MKRN2OS: variants seen among roughly 807,000 people sequenced by gnomAD.
The protein encoded by MKRN2OS is MKRN2 opposite strand.
A neutral mutation model predicts 18.2 loss-of-function variants in MKRN2OS; 17 were observed. The ratio of observed to expected loss-of-function variants is 0.93; its 90% CI spans 0.64 to 1.40. The LOEUF is 1.40. Among genes scored for constraint, MKRN2OS ranks in the 40% most tolerant of loss-of-function variants. MKRN2OS has a pLI of 0.00. For missense variants in MKRN2OS, 337 were observed against 283.0 expected (o/e 1.19, Z -1.37); for synonymous variants, 121 against 108.5 (o/e 1.12, Z -0.72).
At chr3:12,557,189 G>A in intron 1 of MKRN2OS, 1 of 1,534,868 alleles carries the variant, frequency 6.5e-7, no homozygotes, top group South Asian at 1.2e-5. Context: ...CAGTGCGCTG[G>A]AGCCAGGAGC....
upstream of MKRN2OS, among the ~76,000 whole-genome samples, chr3:12,548,631 C>G (rs950941007): frequency 6.6e-6 from 1 of 151,986 alleles, no homozygotes; most frequent in Non-Finnish European, 1.5e-5. Flanking sequence ...AACTCTGTCT[C>G]AAATAAATAC....
Position 12,542,021 on chromosome 3 carries a change from C to G in MKRN2OS, c.270G>C (p.Gly90=). The G allele has an allele frequency of 6.5e-7, 1 of 1,532,086 alleles. No homozygotes were observed. Among genetic ancestry groups the G allele is most frequent in the Non-Finnish European group, 8.7e-7 (1 of 1,144,152 alleles). The allele number at this position is 1,532,086 out of a possible 1,614,324, so 94.9% of individuals were successfully genotyped here. The part of the protein sequence containing the change: ...DLHVGITNTN[G]VVYNYSAHGV... ...CATGTGCACTGTAATTATACACAAC[C>G]CCTGCAAATCAAAACCAAAGTCATG... is the stretch of plus-strand genomic sequence containing the variant. Residue 90 remains glycine, a splice_region_variant and synonymous_variant, in exon 3 of 4, where the codon GGG becomes GGC. Coordinates refer to ENST00000564146, the MANE Select transcript of MKRN2OS (RefSeq NM_001195279.2).
chr3:12,540,512 C>G, intron 3 of MKRN2OS, 79 bp from the exon 4 acceptor site: 1 of 1,517,116 alleles, frequency 6.6e-7, no homozygotes, highest in Non-Finnish European at 8.8e-7. Context: ...CCTTTCCTAA[C>G]TGAAATCGGG....
At chr3:12,560,099 G>A (rs1319831909) in intron 1 of MKRN2OS, among the ~76,000 whole-genome samples, 2 of 152,144 alleles carry the variant, frequency 1.3e-5, no homozygotes, top group African/African-American at 2.4e-5. Context: ...CTAACCGGCA[G>A]GGCTGTTTAA....
intron 2 of MKRN2OS, among the ~76,000 whole-genome samples, chr3:12,542,772 G>A (rs181427434): frequency 4.7e-5 from 7 of 149,982 alleles, no homozygotes; most frequent in African/African-American, 7.3e-5. Flanking sequence ...TACTCCTGAC[G>A]TCCCTAGAAT....
upstream of MKRN2OS, among the ~76,000 whole-genome samples, chr3:12,548,157 A>G (rs1004137892): frequency 1.7e-4 from 25 of 151,096 alleles, no homozygotes; most frequent in Admixed American, 4.0e-4. Context: ...TAAAATTACA[A>G]TAATTAGCCG....
rs1647202846 is a variant in MKRN2OS, at chr3:12,540,072, A to G, written c.*121T>C. The stretch of plus-strand genomic sequence containing the variant: ...AGTGCTGGGATTACAGGTGTGAGCC[A>G]CCATGCCCGGCCCATACACGCTTTT... On this transcript the variant is annotated 3_prime_UTR_variant, in exon 4 of 4. Transcript: ENST00000564146. 1 of 1,396,770 alleles carries G rather than the reference A, an allele frequency of 7.2e-7. No individual in the cohort carries two copies. Among genetic ancestry groups the G allele is most frequent in the Non-Finnish European group, 9.6e-7 (1 of 1,039,574 alleles). 86.5% of individuals were successfully genotyped at this position (1,396,770 alleles called of 1,614,324 possible).
upstream of MKRN2OS, among the ~76,000 whole-genome samples, chr3:12,549,159 G>C (rs2057909831): frequency 6.6e-6 from 1 of 152,090 alleles, no homozygotes; most frequent in Non-Finnish European, 1.5e-5. Context: ...TGGCCAGGCT[G>C]GTCTTGAACT....
upstream of MKRN2OS, chr3:12,545,659 T>G: frequency 2.4e-6 from 1 of 415,628 alleles, no homozygotes; most frequent in Non-Finnish European, 4.2e-6. Context: ...AAGAGCTAGT[T>G]TCTATTTGTT....
intron 1 of MKRN2OS, among the ~76,000 whole-genome samples, chr3:12,554,690 T>G (rs2057953834): frequency 1.3e-5 from 2 of 152,084 alleles, no homozygotes; most frequent in Admixed American, 1.3e-4. Flanking sequence ...AGAGGCTCTA[T>G]GTACTGATAT....
At chr3:12,555,273 C>A (rs562680428) in intron 1 of MKRN2OS, among the ~76,000 whole-genome samples, 1 of 144,598 alleles carries the variant, frequency 6.9e-6, no homozygotes, top group African/African-American at 2.6e-5. Context: ...GAGCATGCCA[C>A]TGCACTCCAG....
chr3:12,540,412 G>T lies in MKRN2OS; in HGVS notation c.453C>A (p.Asn151Lys). ...LPHRYEDNHHNCYSYALTFIN... is the reference protein window; with the variant it reads ...LPHRYEDNHHKCYSYALTFIN... Reference sequence around the variant, plus strand: ...TGAACGTGAGTGCGTAAGAGTAGCAGTTATGGTGGTTGTCTTCATACCTTA... The same window carrying T: ...TGAACGTGAGTGCGTAAGAGTAGCATTTATGGTGGTTGTCTTCATACCTTA... The change falls in exon 4 of 4, where the codon AAC becomes AAA. Residue 151 changes from asparagine (N) to lysine (K), a missense_variant. By Grantham distance (94) the Asn-to-Lys change is moderately conservative. Transcript: ENST00000564146. The T allele has an allele frequency of 6.5e-7, 1 of 1,536,158 alleles. No individual in the cohort carries two copies. The highest frequency in any genetic ancestry group is 8.7e-7 in the Non-Finnish European group (1 of 1,146,912).
At chr3:12,560,126 A>G (rs964309619) in intron 1 of MKRN2OS, among the ~76,000 whole-genome samples, 2 of 152,198 alleles carry the variant, frequency 1.3e-5, no homozygotes, top group African/African-American at 4.8e-5. Context: ...AATAATAGCA[A>G]CAAACCATTT....
intron 1 of MKRN2OS, among the ~76,000 whole-genome samples, chr3:12,557,921 C>G (rs1448281743): frequency 6.6e-6 from 1 of 152,230 alleles, no homozygotes; most frequent in Non-Finnish European, 1.5e-5. Context: ...AGCTACACTA[C>G]GACTGCTCCT....
At chr3:12,540,763 T>A (rs2057790549) in intron 3 of MKRN2OS, among the ~76,000 whole-genome samples, 1 of 151,190 alleles carries the variant, frequency 6.6e-6, no homozygotes, top group Non-Finnish European at 1.5e-5. Flanking sequence ...TCCCAGCTAC[T>A]TGGGAGGCTG....
At chr3:12,546,271 TA>T (rs1263998660), upstream of MKRN2OS, among the ~76,000 whole-genome samples, 8 of 152,136 alleles carry the variant, frequency 5.3e-5, no homozygotes, top group East Asian at 1.2e-3. Flanking sequence ...ATTTTGCTTA[TA>T]AAAAAATTAA....
upstream of MKRN2OS, among the ~76,000 whole-genome samples, chr3:12,548,995 C>T (rs62240800): frequency 0.17 from 26,207 of 151,938 alleles, 2,635 homozygotes; most frequent in African/African-American, 0.25. Context: ...AGTGCAGTGG[C>T]GTGATCTTGC....
At chr3:12,551,943 G>GA (rs1475072285), downstream of MKRN2OS, among the ~76,000 whole-genome samples, 12 of 150,668 alleles carry the variant, frequency 8.0e-5, no homozygotes, top group East Asian at 3.9e-4. Context: ...CTCTGTCTCA[G>GA]AAAAAAGAAA....
At chr3:12,543,542 G>A (rs1575503892) in intron 1 of MKRN2OS, among the ~76,000 whole-genome samples, 1 of 151,980 alleles carries the variant, frequency 6.6e-6, no homozygotes, top group Non-Finnish European at 1.5e-5. Context: ...AGCCATGATC[G>A]CACCACTGCA....
Sources: gnomAD v4.1 joint callset for allele counts (sites outside exome capture counted in the v4.1 genomes callset) on GRCh38, gnomAD v4.1.1 for gene constraint, MANE v1.5 for transcripts, NCBI Gene and HGNC (gene_info 2026-07-23, HGNC 2026-07-21) for gene names.